Variants in RGS6 observed in about 807,000 individuals in gnomAD.
The protein encoded by RGS6 is regulator of G-protein signaling 6.
A neutral mutation model predicts 78.5 loss-of-function variants in RGS6; 30 were observed. The observed-to-expected ratio is 0.38, with a 90% CI of 0.29 to 0.52. The LOEUF is 0.52. RGS6 is among the 20% of genes least tolerant of loss of function. The probability of loss-of-function intolerance (pLI) is 0.85; values close to 1 mark genes in which losing one functional copy is unlikely to be tolerated. For synonymous variants in RGS6, 206 were observed against 206.0 expected (o/e 1.00, Z 0.00); for missense variants, 495 against 609.7 (o/e 0.81, Z 1.98).
intron 2 of RGS6, among the ~76,000 whole-genome samples, chr14:72,279,834 G>C (rs1048048014): frequency 1.3e-5 from 2 of 152,152 alleles, no homozygotes; most frequent in African/African-American, 4.8e-5. Flanking sequence ...GTGTAGAATA[G>C]AGAAGACAAA....
chr14:72,210,601 C>T (rs1333460530), intron 2 of RGS6, among the ~76,000 whole-genome samples: 3 of 152,080 alleles, frequency 2.0e-5, no homozygotes, highest in Non-Finnish European at 2.9e-5. Flanking sequence ...AGAATGTTTG[C>T]GGGGATGGGA....
intron 2 of RGS6, among the ~76,000 whole-genome samples, chr14:72,207,411 G>T (rs1400609178): frequency 1.3e-5 from 2 of 152,162 alleles, no homozygotes; most frequent in African/African-American, 2.4e-5. Context: ...GCAATATCCT[G>T]TTACCTGGCT....
At chr14:72,168,712 T>C (rs1031112889) in intron 2 of RGS6, among the ~76,000 whole-genome samples, 12 of 152,212 alleles carry the variant, frequency 7.9e-5, no homozygotes, top group African/African-American at 2.9e-4. Flanking sequence ...TCCCATAACA[T>C]TTCTGTGGAA....
intron 12 of RGS6, among the ~76,000 whole-genome samples, chr14:72,479,658 G>C (rs1686168017): frequency 6.6e-6 from 1 of 152,226 alleles, no homozygotes; most frequent in South Asian, 2.1e-4. Context: ...GTTTCAGCTA[G>C]CTGTGTAGGC....
At chr14:72,437,306 A>C (rs548523675) in intron 3 of RGS6, among the ~76,000 whole-genome samples, 6 of 138,166 alleles carry the variant, frequency 4.3e-5, no homozygotes, top group Non-Finnish European at 6.1e-5. Context: ...ATGCCACTGC[A>C]CTCCAGCCTG....
At chr14:72,265,393 G>T (rs2058865667) in intron 2 of RGS6, among the ~76,000 whole-genome samples, 1 of 152,146 alleles carries the variant, frequency 6.6e-6, no homozygotes, top group Non-Finnish European at 1.5e-5. Flanking sequence ...ACAGGCCTGG[G>T]GGTTAAATGG....
At chr14:72,526,253 G>A (rs552909169) in intron 15 of RGS6, among the ~76,000 whole-genome samples, 31 of 146,844 alleles carry the variant, frequency 2.1e-4, no homozygotes, top group African/African-American at 7.4e-4. Flanking sequence ...ACAGGTACCT[G>A]CCACCACGCC....
chr14:72,331,763 T>C (rs2075097972), intron 2 of RGS6, among the ~76,000 whole-genome samples: 1 of 152,138 alleles, frequency 6.6e-6, no homozygotes. Context: ...TCACCCTGCA[T>C]GGAGGAGAGG....
At chr14:72,500,678 C>A (rs944397961) in intron 13 of RGS6, among the ~76,000 whole-genome samples, 2 of 152,124 alleles carry the variant, frequency 1.3e-5, no homozygotes, top group South Asian at 2.1e-4. Flanking sequence ...GCCCTAAGGG[C>A]AGAAGGGTTG....
At chr14:71,926,786 G>A in the RGS6 span, among the ~76,000 whole-genome samples, 10 of 152,042 alleles carry the variant, frequency 6.6e-5, no homozygotes, top group African/African-American at 2.4e-4. Flanking sequence ...AGTGTCCTCA[G>A]CTTTTTGGGT....
At position 72,474,633 on chromosome 14, in the gene RGS6, T is replaced by G; in HGVS notation, c.627T>G (p.Cys209Trp). The G allele has an allele frequency of 6.2e-7, 1 of 1,610,404 alleles. No individual in the cohort carries two copies. The highest frequency in any genetic ancestry group is 8.5e-7 in the Non-Finnish European group (1 of 1,178,806). ...FWDVHRPVPG[C>W]VNTTEMDIRK... The stretch of plus-strand genomic sequence containing the variant: ...TGTTTTTTTTTTCTCAGCCAGGCTG[T>G]GTGAACACAACAGAAATGGATATCC... The change falls in exon 10 of 18, where the codon TGT becomes TGG. Residue 209 changes from cysteine to tryptophan, a missense_variant. Transcript: ENST00000553525.
At chr14:72,029,694 A>G (rs538979509) in intron 2 of RGS6, among the ~76,000 whole-genome samples, 9 of 152,248 alleles carry the variant, frequency 5.9e-5, no homozygotes, top group East Asian at 3.9e-4. Context: ...GTGTTCCCCT[A>G]CCTGCATGTG....
At chr14:72,045,084 C>T (rs1018671823) in intron 2 of RGS6, among the ~76,000 whole-genome samples, 4 of 152,156 alleles carry the variant, frequency 2.6e-5, no homozygotes, top group South Asian at 4.1e-4. Context: ...TTGCAGATGG[C>T]GTACTATGGG....
At chr14:72,141,141 G>C (rs150983358) in intron 2 of RGS6, among the ~76,000 whole-genome samples, 1 of 152,252 alleles carries the variant, frequency 6.6e-6, no homozygotes, top group East Asian at 1.9e-4. Context: ...TTCTGAGTCT[G>C]TATTATTGAT....
chr14:72,475,606 G>C (rs958523992), intron 10 of RGS6, among the ~76,000 whole-genome samples: 1 of 152,132 alleles, frequency 6.6e-6, no homozygotes, highest in Non-Finnish European at 1.5e-5. Flanking sequence ...GTGCATACCT[G>C]TAATCCCAGC....
chr14:71,926,019 A>G, the RGS6 span, among the ~76,000 whole-genome samples: 1 of 152,202 alleles, frequency 6.6e-6, no homozygotes, highest in Admixed American at 6.5e-5. Flanking sequence ...TGAAGAAGAC[A>G]CAAATAAATG....
the RGS6 span, among the ~76,000 whole-genome samples, chr14:71,875,054 A>T: frequency 6.6e-6 from 1 of 152,168 alleles, no homozygotes; most frequent in Non-Finnish European, 1.5e-5. Context: ...CCAGTATTTT[A>T]TTAAGGATTT....
intron 17 of RGS6, among the ~76,000 whole-genome samples, chr14:72,545,969 T>C (rs1208180190): frequency 1.3e-5 from 2 of 152,134 alleles, no homozygotes; most frequent in East Asian, 1.9e-4. Flanking sequence ...AGGGTCGGTG[T>C]TGCCGCATCA....
chr14:72,229,256 T>G (rs1414163208), intron 2 of RGS6, among the ~76,000 whole-genome samples: 2 of 152,008 alleles, frequency 1.3e-5, no homozygotes, highest in East Asian at 3.9e-4. Flanking sequence ...TTCTCTGACC[T>G]CCCACCCCTC....
Sources: gnomAD v4.1 joint callset for allele counts (sites outside exome capture counted in the v4.1 genomes callset) on GRCh38, gnomAD v4.1.1 for gene constraint, MANE v1.5 for transcripts, NCBI Gene and HGNC (gene_info 2026-07-23, HGNC 2026-07-21) for gene names.